The following KCNN2 variants were observed in gnomAD, a reference collection of about 807,000 sequenced individuals.
The protein encoded by KCNN2 is potassium calcium-activated channel subfamily N member 2.
In KCNN2, 24 loss-of-function variants were observed where a neutral mutation model predicts 55.5. The observed-to-expected ratio is 0.43, with a 90% CI of 0.31 to 0.61. KCNN2 has a LOEUF of 0.61. KCNN2 is among the 20% of genes least tolerant of loss of function. KCNN2 has a pLI of 0.08. For missense variants in KCNN2, 754 were observed against 853.6 expected, an observed-to-expected ratio of 0.88 and a Z score of 1.45; for synonymous variants, 431 against 336.1, an observed-to-expected ratio of 1.28 and a Z score of -3.09.
At chr5:114,194,681 A>C (rs1183866444) in intron 1 of KCNN2, among the ~76,000 whole-genome samples, 1 of 152,040 alleles carries the variant, frequency 6.6e-6, no homozygotes, top group African/African-American at 2.4e-5. Context: ...TATTATTTGC[A>C]GCATAAACAT....
intron 3 of KCNN2, among the ~76,000 whole-genome samples, chr5:114,426,986 G>T (rs1759643728): frequency 6.6e-6 from 1 of 152,146 alleles, no homozygotes; most frequent in African/African-American, 2.4e-5. Context: ...TAGACTACAA[G>T]AAAAGTTTGC....
At chr5:114,462,989 C>A in intron 3 of KCNN2, 60 bp from the exon 4 acceptor site, 3 of 1,510,644 alleles carry the variant, frequency 2.0e-6, no homozygotes, top group Non-Finnish European at 2.7e-6. Context: ...AACCAAACCA[C>A]ACTTAACTAT....
At chr5:114,081,264 T>C (rs1319853556) in intron 1 of KCNN2, among the ~76,000 whole-genome samples, 2 of 152,254 alleles carry the variant, frequency 1.3e-5, no homozygotes, top group Admixed American at 6.5e-5. Context: ...ATCCCAATGA[T>C]GTGTTTTGCA....
Position 114,362,954 on chromosome 5 carries a change from C to T in KCNN2, c.815C>T (p.Ser272Leu), listed in dbSNP as rs1378290817. 3 of 1,582,656 alleles carry T rather than the reference C, an allele frequency of 1.9e-6. No individual in the cohort carries two copies. The highest frequency in any genetic ancestry group is 2.6e-6 in the Non-Finnish European group (3 of 1,172,080). ...SAAAAAAAAV[S>L]SSAPEIVVSK... ...GCCGCTGCCGCCGCCGCCGCTGTTTCGTCCTCAGCCCCCGAGATCGTGGTG... is the reference window on the plus strand; with the variant it reads ...GCCGCTGCCGCCGCCGCCGCTGTTTTGTCCTCAGCCCCCGAGATCGTGGTG... Residue 272 changes from serine (S) to leucine (L), a missense_variant, in exon 1 of 8, where the codon TCG becomes TTG. This residue lies in a region of KCNN2 where 381 missense variants were observed against 259.1 expected (regional missense o/e 1.47). Coordinates refer to ENST00000673685, the MANE Select transcript of KCNN2 (RefSeq NM_021614.4).
intron 2 of KCNN2, among the ~76,000 whole-genome samples, chr5:114,274,251 A>ATG (rs1214024894): frequency 3.1e-5 from 4 of 131,068 alleles, no homozygotes. Flanking sequence ...AGCCTTGTAT[A>ATG]GTTTGAAGTC....
intron 3 of KCNN2, among the ~76,000 whole-genome samples, chr5:114,439,056 A>G (rs1332994725): frequency 6.6e-6 from 1 of 152,212 alleles, no homozygotes; most frequent in Non-Finnish European, 1.5e-5. Context: ...ACAGTACATA[A>G]AAAAATCTGA....
intron 3 of KCNN2, among the ~76,000 whole-genome samples, chr5:114,407,975 T>G (rs1328882373): frequency 1.3e-5 from 2 of 152,342 alleles, no homozygotes; most frequent in East Asian, 3.9e-4. Context: ...AGGACATCTG[T>G]GTGTCTAACT....
At chr5:114,482,826 T>G (rs575820562) in intron 5 of KCNN2, among the ~76,000 whole-genome samples, 146 of 152,194 alleles carry the variant, frequency 9.6e-4, no homozygotes, top group African/African-American at 3.4e-3. Flanking sequence ...AGCTGAATGA[T>G]GAGAATACAT....
intron 2 of KCNN2, among the ~76,000 whole-genome samples, chr5:114,334,264 G>A (rs1756877973): frequency 7.5e-5 from 1 of 13,268 alleles, no homozygotes; most frequent in South Asian, 4.9e-3. Flanking sequence ...TGCCTGATGT[G>A]TGTGTGTGTG....
chr5:114,175,766 G>A (rs1040873499), intron 1 of KCNN2, among the ~76,000 whole-genome samples: 2 of 152,154 alleles, frequency 1.3e-5, no homozygotes, highest in African/African-American at 4.8e-5. Flanking sequence ...GTGACTTAAT[G>A]TAGCCCATAA....
At chr5:114,140,937 C>A (rs1276530535) in intron 1 of KCNN2, among the ~76,000 whole-genome samples, 1 of 151,602 alleles carries the variant, frequency 6.6e-6, no homozygotes, top group African/African-American at 2.4e-5. Context: ...TGTAGGTGCG[C>A]ACCACCACAC....
chr5:114,239,862 C>T (rs1214471322), intron 2 of KCNN2, among the ~76,000 whole-genome samples: 1 of 152,022 alleles, frequency 6.6e-6, no homozygotes, highest in Non-Finnish European at 1.5e-5. Flanking sequence ...CACCAAATAA[C>T]AAATAACCAA....
intron 2 of KCNN2, among the ~76,000 whole-genome samples, chr5:114,224,337 G>T (rs182980454): frequency 1.4e-4 from 22 of 152,246 alleles, no homozygotes; most frequent in Admixed American, 9.2e-4. Flanking sequence ...TTAGATAAAA[G>T]TAACCATTTT....
chr5:114,081,304 A>T (rs893612733), intron 1 of KCNN2, among the ~76,000 whole-genome samples: 1 of 152,172 alleles, frequency 6.6e-6, no homozygotes, highest in Non-Finnish European at 1.5e-5. Flanking sequence ...TAAAATTTAT[A>T]TGGAATCTCA....
In KCNN2 at chr5:114,075,885, C is replaced by G. The variant is rs531985173; in HGVS notation, c.-271+19385C>G. On this transcript the variant is annotated intron_variant, in intron 1 of 10. Coordinates refer to the KCNN2 transcript ENST00000512097. Reference sequence around the variant, plus strand: ...AAGAATACCTGGCCCACCCAGCAGCCAGAAGCAGAGCCACTTAGCTCATCA... The same window carrying G: ...AAGAATACCTGGCCCACCCAGCAGCGAGAAGCAGAGCCACTTAGCTCATCA... Among the ~76,000 whole-genome samples, 8 of 152,310 alleles carry G rather than the reference C, an allele frequency of 5.3e-5. No homozygotes were observed. The East Asian group carries it at 1.5e-3, about 29-fold the overall frequency.
intron 1 of KCNN2, among the ~76,000 whole-genome samples, chr5:114,112,178 G>A (rs752282467): frequency 6.6e-6 from 1 of 152,120 alleles, no homozygotes; most frequent in Non-Finnish European, 1.5e-5. Context: ...GTCCTTTGTA[G>A]GGACATGGAT....
intron 1 of KCNN2, among the ~76,000 whole-genome samples, chr5:114,199,317 G>C (rs542929649): frequency 1.9e-4 from 29 of 152,066 alleles, no homozygotes; most frequent in African/African-American, 6.5e-4. Flanking sequence ...GTGTCTTTAT[G>C]GATAAGGTAA....
chr5:114,145,149 A>T (rs918304746), intron 1 of KCNN2, among the ~76,000 whole-genome samples: 2 of 152,218 alleles, frequency 1.3e-5, no homozygotes, highest in Non-Finnish European at 2.9e-5. Context: ...CTTAAAAGGA[A>T]AAAAGGAGTT....
chr5:114,425,928 C>A (rs1243690439), intron 3 of KCNN2, among the ~76,000 whole-genome samples: 3 of 151,786 alleles, frequency 2.0e-5, no homozygotes, highest in Non-Finnish European at 4.4e-5. Flanking sequence ...ACCTGCAATC[C>A]TAGCACTTTG....
Sources: gnomAD v4.1 joint callset for allele counts (sites outside exome capture counted in the v4.1 genomes callset) on GRCh38, gnomAD v4.1.1 for gene constraint, gnomAD v4.1.1 regional missense constraint, MANE v1.5 for transcripts, NCBI Gene and HGNC (gene_info 2026-07-23, HGNC 2026-07-21) for gene names.